ZSWIM6: variants seen among roughly 807,000 people sequenced by gnomAD.
ZSWIM6 encodes zinc finger SWIM-type containing 6, also known as zinc finger SWIM domain-containing protein 6.
A neutral mutation model predicts 113.2 loss-of-function variants in ZSWIM6; 9 were observed. The ratio of observed to expected loss-of-function variants is 0.08; its 90% CI spans 0.05 to 0.14. The LOEUF is 0.14. ZSWIM6 is among the 10% of genes least tolerant of loss of function. The pLI, the probability that ZSWIM6 is intolerant of heterozygous loss-of-function variation, is 1.00. For missense variants in ZSWIM6, 1,162 were observed against 1,552.2 expected (o/e 0.75, Z 4.22); for synonymous variants, 611 against 606.5 (o/e 1.01, Z -0.11).
At chr5:61,421,923 G>A (rs1456523030) in intron 1 of ZSWIM6, among the ~76,000 whole-genome samples, 2 of 152,006 alleles carry the variant, frequency 1.3e-5, no homozygotes, top group South Asian at 2.1e-4. Context: ...TTTCCTCTAG[G>A]GTTGTTTGAG....
chr5:61,364,207 G>C (rs1745105943), intron 1 of ZSWIM6, among the ~76,000 whole-genome samples: 2 of 151,864 alleles, frequency 1.3e-5, no homozygotes, highest in South Asian at 4.2e-4. Flanking sequence ...ACCATGCCCG[G>C]CCCATAGTTT....
At chr5:61,480,384 G>T (rs939403767) in intron 2 of ZSWIM6, among the ~76,000 whole-genome samples, 2 of 152,104 alleles carry the variant, frequency 1.3e-5, no homozygotes, top group African/African-American at 4.8e-5. Context: ...TTACTTCCTT[G>T]GCATTTAGCT....
At chr5:61,426,654 T>A (rs1295863553) in intron 1 of ZSWIM6, among the ~76,000 whole-genome samples, 1 of 152,162 alleles carries the variant, frequency 6.6e-6, no homozygotes, top group Non-Finnish European at 1.5e-5. Flanking sequence ...GATCCAGTTA[T>A]GCATTTAGTT....
In ZSWIM6 at chr5:61,544,344, G is replaced by T; in HGVS notation, c.*27G>T. On this transcript the variant is annotated 3_prime_UTR_variant, in exon 14 of 14. Coordinates refer to ENST00000252744, the MANE Select transcript of ZSWIM6 (RefSeq NM_020928.2). ...AGATCTTGTATGAATGGGGTGGGGG[G>T]TGGGGATGGGAGGGATGGTTTGTTT... The T allele has an allele frequency of 1.7e-5, 2 of 121,044 alleles. No homozygotes were observed. Among genetic ancestry groups the T allele is most frequent in the South Asian group, 2.5e-4 (1 of 3,942 alleles). 7.5% of individuals were successfully genotyped at this position (121,044 alleles called of 1,614,324 possible). A position where few individuals can be genotyped will look rare whatever the true frequency, so the allele number is the denominator to read the frequency against.
At chr5:61,414,557 G>A (rs1049431993) in intron 1 of ZSWIM6, among the ~76,000 whole-genome samples, 2 of 152,158 alleles carry the variant, frequency 1.3e-5, no homozygotes, top group Non-Finnish European at 2.9e-5. Flanking sequence ...TATAAAATTA[G>A]TTATGGTTTT....
chr5:61,526,803 C>T (rs1459183401), intron 7 of ZSWIM6, among the ~76,000 whole-genome samples: 1 of 152,148 alleles, frequency 6.6e-6, no homozygotes, highest in African/African-American at 2.4e-5. Context: ...CTTAGGCAAT[C>T]AGTTGACGTC....
At chr5:61,412,284 A>G in intron 1 of ZSWIM6, among the ~76,000 whole-genome samples, 1 of 152,204 alleles carries the variant, frequency 6.6e-6, no homozygotes, top group African/African-American at 2.4e-5. Context: ...AGTTGCAACT[A>G]CCATAATTTA....
chr5:61,339,987 G>A (rs1323727792), intron 1 of ZSWIM6, among the ~76,000 whole-genome samples: 1 of 152,186 alleles, frequency 6.6e-6, no homozygotes, highest in Non-Finnish European at 1.5e-5. Context: ...GTGAAGAGAC[G>A]TTTTGTTTGT....
chr5:61,445,238 A>G (rs535840039), intron 1 of ZSWIM6, among the ~76,000 whole-genome samples: 32 of 152,130 alleles, frequency 2.1e-4, no homozygotes, highest in Non-Finnish European at 4.3e-4. Flanking sequence ...ATTTAAAAAA[A>G]AGTTTAATGT....
intron 1 of ZSWIM6, among the ~76,000 whole-genome samples, chr5:61,374,434 G>A (rs1351177861): frequency 1.3e-5 from 2 of 152,210 alleles, no homozygotes; most frequent in Non-Finnish European, 2.9e-5. Context: ...ATTATTGCCT[G>A]TGAGGAAGAC....
chr5:61,346,475 G>GATATGTGTA (rs1744660882), intron 1 of ZSWIM6, among the ~76,000 whole-genome samples: 1 of 152,190 alleles, frequency 6.6e-6, no homozygotes, highest in East Asian at 1.9e-4. Flanking sequence ...TATCTCTCTA[G>GATATGTGTA]ATATGTGTAT....
At position 61,332,499 on chromosome 5, in the gene ZSWIM6, C is replaced by T; in HGVS notation, c.227C>T (p.Ser76Leu). ...LPPGKTQSPE[S>L]LLDIAARRVA... ...CCGGGCAAGACCCAGAGCCCCGAGT[C>T]GCTGCTGGACATCGCGGCGCGCAGG... Residue 76 changes from serine to leucine, a missense_variant, in exon 1 of 14, where the codon TCG becomes TTG. Around this residue, in one of 4 missense-constraint regions of ZSWIM6, gnomAD observed 333 missense variants for 293.4 expected, o/e 1.13. Coordinates refer to ENST00000252744, the MANE Select transcript of ZSWIM6 (RefSeq NM_020928.2). The T allele has an allele frequency of 7.8e-7, 1 of 1,277,256 alleles. No homozygotes were observed. The highest frequency in any genetic ancestry group is 1.0e-6 in the Non-Finnish European group (1 of 981,870). 79.1% of individuals were successfully genotyped at this position (1,277,256 alleles called of 1,614,324 possible).
chr5:61,525,376 C>T (rs1459529992), intron 5 of ZSWIM6, among the ~76,000 whole-genome samples: 1 of 152,202 alleles, frequency 6.6e-6, no homozygotes, highest in Non-Finnish European at 1.5e-5. Context: ...GGTTCCATGG[C>T]TGGTGTCGCA....
chr5:61,510,972 C>T lies in ZSWIM6; in HGVS notation c.1334-10291C>T, dbSNP rs79392894. ...TCATCAAATAGCTTTATTTTTAAAGCTACAAATGTTTCAGGCGTATTGAAG... is the reference window on the plus strand; with the variant it reads ...TCATCAAATAGCTTTATTTTTAAAGTTACAAATGTTTCAGGCGTATTGAAG... On this transcript the variant is annotated intron_variant, in intron 4 of 13. Transcript: ENST00000252744. Among the ~76,000 whole-genome samples, 1,290 of 152,182 alleles carry T rather than the reference C, an allele frequency of 8.5e-3. 5 individuals are homozygous for T. Among genetic ancestry groups the T allele is most frequent in the Middle Eastern group, 0.014 (4 of 294 alleles).
At chr5:61,432,879 A>G (rs1746617036) in intron 1 of ZSWIM6, among the ~76,000 whole-genome samples, 1 of 152,224 alleles carries the variant, frequency 6.6e-6, no homozygotes, top group Non-Finnish European at 1.5e-5. Context: ...TAAATATTAC[A>G]TAACTCACAC....
At position 61,332,272 on chromosome 5, in the gene ZSWIM6, C is replaced by T; in HGVS notation, c.-1C>T. On this transcript the variant is annotated 5_prime_UTR_variant, in exon 1 of 14. Transcript: ENST00000252744. Reference sequence around the variant, plus strand: ...GCTGTCGGGTTAGAAGCGGCGCGGTCATGGCGGAGCGCGGACAGCAGCCTC... The same window carrying T: ...GCTGTCGGGTTAGAAGCGGCGCGGTTATGGCGGAGCGCGGACAGCAGCCTC... 1.7e-6 allele frequency: 2 copies of T among 1,167,136 alleles called. No individual in the cohort carries two copies. Among genetic ancestry groups the T allele is most frequent in the Non-Finnish European group, 1.1e-6 (1 of 944,678 alleles). The allele number at this position is 1,167,136 out of a possible 1,614,324, so 72.3% of individuals were successfully genotyped here.
chr5:61,449,133 A>G (rs1248484987), intron 1 of ZSWIM6, among the ~76,000 whole-genome samples: 1 of 152,182 alleles, frequency 6.6e-6, no homozygotes, highest in Non-Finnish European at 1.5e-5. Flanking sequence ...TAATGATAGA[A>G]TAGAGCAGTA....
At chr5:61,374,841 T>C (rs1248410858) in intron 1 of ZSWIM6, among the ~76,000 whole-genome samples, 3 of 152,100 alleles carry the variant, frequency 2.0e-5, no homozygotes, top group Non-Finnish European at 2.9e-5. Context: ...AGGCGTGAGC[T>C]ACCGCGCCCG....
intron 1 of ZSWIM6, among the ~76,000 whole-genome samples, chr5:61,471,296 C>T (rs1747564261): frequency 6.6e-6 from 1 of 152,136 alleles, no homozygotes; most frequent in East Asian, 1.9e-4. Flanking sequence ...CTGAATATGG[C>T]TTTGAGAGAG....
Sources: gnomAD v4.1 joint callset for allele counts (sites outside exome capture counted in the v4.1 genomes callset) on GRCh38, gnomAD v4.1.1 for gene constraint, gnomAD v4.1.1 regional missense constraint, MANE v1.5 for transcripts, NCBI Gene and HGNC (gene_info 2026-07-23, HGNC 2026-07-21) for gene names.